IRAG1: variants seen among roughly 807,000 people sequenced by gnomAD.
IRAG1 encodes the protein IP3R-associated cGMP kinase substrate.
In IRAG1, 62 loss-of-function variants were observed where a neutral mutation model predicts 106.2. That is an observed-to-expected ratio of 0.58 (90% CI 0.48 to 0.72). The LOEUF (loss-of-function observed/expected upper bound fraction) is 0.72. Ranked by LOEUF, IRAG1 falls within the 30% of genes least tolerant of loss-of-function variation. The probability of loss-of-function intolerance (pLI) is 0.00; values close to 1 mark genes in which losing one functional copy is unlikely to be tolerated. For missense variants in IRAG1, 1,064 were observed against 1,140.7 expected, an observed-to-expected ratio of 0.93 and a Z score of 0.97; for synonymous variants, 462 against 443.9, an observed-to-expected ratio of 1.04 and a Z score of -0.51.
intron 1 of IRAG1, among the ~76,000 whole-genome samples, chr11:10,655,486 G>C (rs1300067046): frequency 6.6e-6 from 1 of 152,226 alleles, no homozygotes; most frequent in East Asian, 1.9e-4. Flanking sequence ...GTCAGATGAA[G>C]GCAAGGGACG....
At chr11:10,614,026 G>A (rs983733100) in intron 10 of IRAG1, among the ~76,000 whole-genome samples, 7 of 152,032 alleles carry the variant, frequency 4.6e-5, no homozygotes, top group African/African-American at 7.3e-5. Flanking sequence ...TGACAACTAC[G>A]GGCCACCCTA....
rs1369746890 is a variant in IRAG1 at position 10,629,606 on chromosome 11, A to G, written c.506T>C (p.Leu169Ser). 1 of 1,613,926 alleles carries G rather than the reference A, an allele frequency of 6.2e-7. No homozygotes were observed. Among genetic ancestry groups the G allele is most frequent in the Non-Finnish European group, 8.5e-7 (1 of 1,179,860 alleles). Residue 169 changes from leucine to serine, a missense_variant, in exon 5 of 21, where the codon TTG (leucine) becomes TCG (serine). Physicochemically the swap from Leu to Ser is moderately radical, Grantham distance 145 (BLOSUM62 -2). Coordinates refer to ENST00000423302, the MANE Select transcript of IRAG1 (RefSeq NM_130385.4). ...KNLALLEEAK[L>S]VSERFLTRRG... ...GCGGGTCAGGAATCGCTCACTCACC[A>G]ACTTGGCTTCTTCCAGCAGCGCCAG...
chr11:10,639,831 A>AG (rs1857393436), intron 2 of IRAG1, among the ~76,000 whole-genome samples: 1 of 152,178 alleles, frequency 6.6e-6, no homozygotes. Context: ...TGGAGAAGAG[A>AG]GGGGCACTGG....
At chr11:10,687,886 T>C in intron 1 of IRAG1, 1 of 853,638 alleles carries the variant, frequency 1.2e-6, no homozygotes, top group Non-Finnish European at 1.6e-6. Context: ...TGGGGGGGGG[T>C]GGTATTTAAC....
At chr11:10,618,400 T>G (rs1302708925) in intron 10 of IRAG1, among the ~76,000 whole-genome samples, 1 of 152,212 alleles carries the variant, frequency 6.6e-6, no homozygotes, top group Non-Finnish European at 1.5e-5. Context: ...GCTTATTCGT[T>G]CATACATTTG....
intron 2 of IRAG1, among the ~76,000 whole-genome samples, chr11:10,651,232 G>A (rs1438210985): frequency 6.6e-6 from 1 of 152,220 alleles, no homozygotes; most frequent in Non-Finnish European, 1.5e-5. Context: ...CGAGGATGAT[G>A]CTCAAATAGG....
At chr11:10,654,062 T>A (rs1001522802) in intron 1 of IRAG1, among the ~76,000 whole-genome samples, 1 of 152,146 alleles carries the variant, frequency 6.6e-6, no homozygotes, top group Non-Finnish European at 1.5e-5. Flanking sequence ...GTGTTCCAGG[T>A]CCTCTGGAAG....
At chr11:10,680,728 A>G (rs1861190430) in intron 1 of IRAG1, among the ~76,000 whole-genome samples, 1 of 152,098 alleles carries the variant, frequency 6.6e-6, no homozygotes. Flanking sequence ...TCATCTTTCT[A>G]TGCCTCAGTT....
intron 2 of IRAG1, among the ~76,000 whole-genome samples, chr11:10,646,617 T>C (rs1284779085): frequency 1.3e-5 from 2 of 152,064 alleles, no homozygotes; most frequent in Admixed American, 6.5e-5. Flanking sequence ...TCCAACCACA[T>C]CTCAGTTACT....
At chr11:10,683,120 CAG>C (rs1289095969) in intron 1 of IRAG1, among the ~76,000 whole-genome samples, 2 of 152,082 alleles carry the variant, frequency 1.3e-5, no homozygotes, top group African/African-American at 4.8e-5. Flanking sequence ...ATTTAATAAA[CAG>C]ATTGGCAGTG....
Position 10,628,942 on chromosome 11 carries a change from C to T in IRAG1, c.575-114G>A, listed in dbSNP as rs1012589260. ...TGGGAACTGGGTCTGCCTTGCTGGG[C>T]TCAGGGGCTGATGCTGGACTGCAAT... On this transcript the variant is annotated intron_variant, in intron 5 of 20. Coordinates refer to ENST00000423302, the MANE Select transcript of IRAG1 (RefSeq NM_130385.4). This position sits in a 1 kb window ranked among gnomAD's most constrained non-coding sequence, Gnocchi z 4.1. 1 of 972,898 alleles carries T rather than the reference C, an allele frequency of 1.0e-6. No individual in the cohort carries two copies. Among genetic ancestry groups the T allele is most frequent in the African/African-American group, 1.7e-5 (1 of 58,946 alleles). The allele number at this position is 972,898 out of a possible 1,614,324, so 60.3% of individuals were successfully genotyped here.
At chr11:10,678,011 GTCTATCTA>G (rs10606111) in intron 1 of IRAG1, among the ~76,000 whole-genome samples, 15 of 142,176 alleles carry the variant, frequency 1.1e-4, no homozygotes, top group Admixed American at 4.1e-4. Context: ...CTCTCTATCT[GTCTATCTA>G]TCTATCTATC....
chr11:10,603,521 G>A (rs775608327), intron 13 of IRAG1, among the ~76,000 whole-genome samples: 1 of 152,096 alleles, frequency 6.6e-6, no homozygotes, highest in East Asian at 1.9e-4. Context: ...GACAGGCGGC[G>A]GAGCTCAGGA....
At chr11:10,687,674 A>G in intron 1 of IRAG1, 1 of 1,283,896 alleles carries the variant, frequency 7.8e-7, no homozygotes, top group South Asian at 1.3e-5. Flanking sequence ...CTTGAGAGGA[A>G]GTCCACCACT....
At chr11:10,663,460 A>G (rs911985624) in intron 1 of IRAG1, among the ~76,000 whole-genome samples, 3 of 152,156 alleles carry the variant, frequency 2.0e-5, no homozygotes, top group Admixed American at 6.5e-5. Context: ...GCCTGCCTAA[A>G]TCATTCACCC....
chr11:10,595,082 A>G (rs1311251347), intron 15 of IRAG1, among the ~76,000 whole-genome samples: 1 of 151,914 alleles, frequency 6.6e-6, no homozygotes, highest in Non-Finnish European at 1.5e-5. Flanking sequence ...GTGCCACCAC[A>G]CCTGGTTAAT....
At chr11:10,588,993 C>G (rs536916226) in intron 18 of IRAG1, 1 of 152,268 alleles carries the variant, frequency 6.6e-6, no homozygotes, top group South Asian at 2.1e-4. Context: ...AAATATCACT[C>G]TCCACCCATA....
At chr11:10,652,815 C>G (rs1027614050) in intron 1 of IRAG1, among the ~76,000 whole-genome samples, 3 of 152,134 alleles carry the variant, frequency 2.0e-5, no homozygotes, top group Non-Finnish European at 4.4e-5. Context: ...TCCCCTCATG[C>G]TCTTCTGACC....
chr11:10,639,252 ACTT>A (rs1313306283), intron 2 of IRAG1, among the ~76,000 whole-genome samples: 15 of 152,178 alleles, frequency 9.9e-5, no homozygotes, highest in African/African-American at 3.6e-4. Flanking sequence ...GACACTATCT[ACTT>A]CTCAAAGCAA....
Sources: allele counts gnomAD v4.1 joint callset (sites outside exome capture counted in the v4.1 genomes callset), GRCh38; gene constraint gnomAD v4.1.1; non-coding constraint Gnocchi (gnomAD v3.1); transcripts MANE v1.5; gene names NCBI Gene and HGNC (gene_info 2026-07-23, HGNC 2026-07-21).